Variants in ZFHX3 observed in about 807,000 individuals in gnomAD.
ZFHX3 encodes the protein zinc finger homeobox protein 3.
A neutral mutation model predicts 279.1 loss-of-function variants in ZFHX3; 42 were observed. That is an observed-to-expected ratio of 0.15 (90% confidence interval 0.12 to 0.19). The LOEUF (loss-of-function observed/expected upper bound fraction) is 0.19. ZFHX3 is among the 10% of genes least tolerant of loss of function. The pLI is 1.00. For synonymous variants in ZFHX3, 2,293 were observed against 1,957.8 expected, an observed-to-expected ratio of 1.17 and a Z score of -4.52; for missense variants, 4,981 against 4,754.0, an observed-to-expected ratio of 1.05 and a Z score of -1.40.
chr16:73,798,825 G>A (rs140389403), intron 1 of ZFHX3, among the ~76,000 whole-genome samples: 3 of 152,316 alleles, frequency 2.0e-5, no homozygotes, highest in South Asian at 2.1e-4. Context: ...CTCATGGGAC[G>A]TGTTTGGAGG....
chr16:73,276,008 A>G (rs2014289085), intron 4 of ZFHX3, among the ~76,000 whole-genome samples: 1 of 152,010 alleles, frequency 6.6e-6, no homozygotes, highest in Non-Finnish European at 1.5e-5. Context: ...GAAGGATGAT[A>G]TTGGGAACTT....
chr16:73,519,794 G>C (rs2019581373), intron 2 of ZFHX3, among the ~76,000 whole-genome samples: 1 of 152,078 alleles, frequency 6.6e-6, no homozygotes, highest in Admixed American at 6.6e-5. Flanking sequence ...GGGGTTACTT[G>C]CCTCCAAGAC....
At chr16:73,455,265 G>A (rs1386183454) in intron 3 of ZFHX3, among the ~76,000 whole-genome samples, 4 of 152,284 alleles carry the variant, frequency 2.6e-5, no homozygotes, top group African/African-American at 9.6e-5. Flanking sequence ...TGCTTCCCAG[G>A]AACTTTACAT....
intron 2 of ZFHX3, among the ~76,000 whole-genome samples, chr16:73,669,558 G>A (rs2052881249): frequency 1.3e-5 from 2 of 152,192 alleles, no homozygotes; most frequent in African/African-American, 4.8e-5. Flanking sequence ...CCAACCACCT[G>A]AAAAGGGTTA....
intron 1 of ZFHX3, among the ~76,000 whole-genome samples, chr16:73,789,971 C>G (rs1470922958): frequency 6.6e-6 from 1 of 152,116 alleles, no homozygotes; most frequent in African/African-American, 2.4e-5. Flanking sequence ...TCGCATTGCA[C>G]TCTCGCCGCT....
At chr16:73,071,196 C>T (rs1028500313) in intron 8 of ZFHX3, among the ~76,000 whole-genome samples, 6 of 150,932 alleles carry the variant, frequency 4.0e-5, no homozygotes, top group African/African-American at 1.5e-4. Flanking sequence ...GAGGGCCAGG[C>T]AAGGCTGCGG....
intron 2 of ZFHX3, among the ~76,000 whole-genome samples, chr16:73,555,165 T>A (rs1056928989): frequency 6.6e-6 from 1 of 151,210 alleles, no homozygotes; most frequent in African/African-American, 2.5e-5. Context: ...TCGTATTTTA[T>A]TTTTTTTGAG....
rs868726308 is a variant in ZFHX3 at position 73,089,626 on chromosome 16, G to T, written c.-533+3609C>A. 4.6e-5 allele frequency among the ~76,000 whole-genome samples: 7 copies of T among 152,172 alleles called. 1 individual carries two copies. Among genetic ancestry groups the T allele is most frequent in the Non-Finnish European group, 8.8e-5 (6 of 68,030 alleles). ...CACTGACTGGCATGAATCAGGGCAGGTCTCTGACAACAGGAATCCTGTGAT... is the reference window on the plus strand; with the variant it reads ...CACTGACTGGCATGAATCAGGGCAGTTCTCTGACAACAGGAATCCTGTGAT... On this transcript the variant is annotated intron_variant, in intron 8 of 17. Coordinates refer to the ZFHX3 transcript ENST00000641206.
intron 4 of ZFHX3, among the ~76,000 whole-genome samples, chr16:72,883,009 T>C (rs1018077994): frequency 1.4e-5 from 2 of 142,746 alleles, no homozygotes; most frequent in South Asian, 2.3e-4. Flanking sequence ...TGTGTGTGTG[T>C]GTGTGTGTGT....
intron 4 of ZFHX3, among the ~76,000 whole-genome samples, chr16:73,289,566 C>T (rs2014716742): frequency 6.6e-6 from 1 of 151,986 alleles, no homozygotes; most frequent in Non-Finnish European, 1.5e-5. Context: ...CTCTCTAATC[C>T]ACAGCTGAGG....
At chr16:72,829,209 C>T (rs866300097) in intron 5 of ZFHX3, among the ~76,000 whole-genome samples, 3 of 149,786 alleles carry the variant, frequency 2.0e-5, no homozygotes, top group African/African-American at 4.9e-5. Context: ...GACAGGGACT[C>T]GCTATGTTGC....
chr16:73,430,054 T>C (rs1463137836), intron 3 of ZFHX3, among the ~76,000 whole-genome samples: 1 of 151,908 alleles, frequency 6.6e-6, no homozygotes, highest in African/African-American at 2.4e-5. Context: ...CTTGGCTAAT[T>C]AAAAAAATTT....
At chr16:73,283,502 C>G (rs1462609038) in intron 4 of ZFHX3, among the ~76,000 whole-genome samples, 2 of 152,100 alleles carry the variant, frequency 1.3e-5, no homozygotes, top group African/African-American at 4.8e-5. Context: ...ACTCTCCAGG[C>G]CCGCTACTGG....
chr16:73,417,170 G>C (rs1361830247), intron 3 of ZFHX3, among the ~76,000 whole-genome samples: 1 of 151,888 alleles, frequency 6.6e-6, no homozygotes, highest in East Asian at 1.9e-4. Context: ...CAGTCATGGA[G>C]CAATACTTTT....
At chr16:72,906,156 C>T (rs2039165554) in intron 3 of ZFHX3, among the ~76,000 whole-genome samples, 1 of 151,880 alleles carries the variant, frequency 6.6e-6, no homozygotes, top group African/African-American at 2.4e-5. Flanking sequence ...GATGCCGCCT[C>T]CTGGTTGGTC....
At chr16:73,178,049 T>A (rs1192660979) in intron 5 of ZFHX3, among the ~76,000 whole-genome samples, 6 of 152,220 alleles carry the variant, frequency 3.9e-5, no homozygotes, top group African/African-American at 9.6e-5. Flanking sequence ...TCTACCTAAC[T>A]GTAGCTTCCA....
chr16:73,780,169 T>A (rs1411872252), intron 1 of ZFHX3, among the ~76,000 whole-genome samples: 1 of 125,660 alleles, frequency 8.0e-6, no homozygotes, highest in East Asian at 2.6e-4. Flanking sequence ...TGAGGCAGAG[T>A]CTTGCTCTAT....
chr16:72,860,596 A>T (rs1390079731), intron 4 of ZFHX3, among the ~76,000 whole-genome samples: 2 of 151,944 alleles, frequency 1.3e-5, no homozygotes, highest in African/African-American at 4.8e-5. Flanking sequence ...ACGCCTGGCT[A>T]ATTTTCTATT....
At chr16:73,532,155 C>T (rs551757146) in intron 2 of ZFHX3, among the ~76,000 whole-genome samples, 13 of 151,932 alleles carry the variant, frequency 8.6e-5, no homozygotes, top group African/African-American at 2.2e-4. Context: ...GGTTTGTCTG[C>T]GTCCCCACCC....
Sources: gnomAD v4.1 joint callset for allele counts (sites outside exome capture counted in the v4.1 genomes callset) on GRCh38, gnomAD v4.1.1 for gene constraint, MANE v1.5 for transcripts, NCBI Gene and HGNC (gene_info 2026-07-23, HGNC 2026-07-21) for gene names.